The following EOGT variants were observed in gnomAD, a reference collection of about 807,000 sequenced individuals.
The protein encoded by EOGT is EGF domain specific O-linked N-acetylglucosamine transferase, also known as EGF domain-specific O-linked N-acetylglucosamine transferase.
EOGT carries 55 observed loss-of-function variants against 70.5 expected under a neutral mutation model. The observed-to-expected ratio is 0.78, with a 90% CI of 0.63 to 0.98. EOGT has a LOEUF of 0.98. Ranked by LOEUF, EOGT falls within the 50% of genes least tolerant of loss-of-function variation. The pLI is 0.00. For missense variants in EOGT, 703 were observed against 641.9 expected (o/e 1.10, Z -1.03); for synonymous variants, 246 against 217.1 (o/e 1.13, Z -1.17).
rs1358356895 is a variant in EOGT at position 68,975,917 on chromosome 3, A to G, written c.*1701T>C. 1 of 152,226 alleles carries G rather than the reference A, an allele frequency of 6.6e-6. No homozygotes were observed. The highest frequency in any genetic ancestry group is 2.4e-5 in the African/African-American group (1 of 41,468). The allele number at this position is 152,226 out of a possible 1,614,324, so 9.4% of individuals were successfully genotyped here. A position where few individuals can be genotyped will look rare whatever the true frequency, so the allele number is the denominator to read the frequency against. On this transcript the variant is annotated 3_prime_UTR_variant, in exon 18 of 18. Transcript: ENST00000383701. Reference sequence around the variant, plus strand: ...TTTTACAACTGTAAAATATTTTTAAAAAATTATTTAGCTATTCTGTAATTT... The same window carrying G: ...TTTTACAACTGTAAAATATTTTTAAGAAATTATTTAGCTATTCTGTAATTT...
At chr3:68,999,660 A>G (rs1048947086) in intron 9 of EOGT, among the ~76,000 whole-genome samples, 4 of 152,188 alleles carry the variant, frequency 2.6e-5, no homozygotes, top group Non-Finnish European at 4.4e-5. Context: ...GGCAAAGAAT[A>G]TATTTTCAAA....
intron 10 of EOGT, among the ~76,000 whole-genome samples, chr3:68,993,206 C>A (rs569512238): frequency 6.6e-6 from 1 of 152,316 alleles, no homozygotes; most frequent in South Asian, 2.1e-4. Context: ...ATTGCACAAT[C>A]AGGCTGCAAA....
intron 15 of EOGT, among the ~76,000 whole-genome samples, chr3:68,982,364 AC>A (rs144199117): frequency 0.052 from 7,855 of 152,058 alleles, 687 homozygotes; most frequent in African/African-American, 0.18. Flanking sequence ...TACAAAAAAT[AC>A]AAAAATTAGC....
intron 6 of EOGT, among the ~76,000 whole-genome samples, chr3:69,006,416 A>C (rs929052441): frequency 1.3e-5 from 2 of 152,192 alleles, no homozygotes; most frequent in Non-Finnish European, 2.9e-5. Context: ...GTAAATTAAA[A>C]AATTTTTTTA....
chr3:68,990,292 C>T (rs1400947517), intron 10 of EOGT, among the ~76,000 whole-genome samples: 1 of 151,474 alleles, frequency 6.6e-6, no homozygotes, highest in African/African-American at 2.4e-5. Context: ...CTGCCACTTC[C>T]ATCTGACAGC....
Position 68,988,349 on chromosome 3 carries a change from C to A in EOGT, c.1029G>T (p.Arg343Ser), listed in dbSNP as rs1212018396. ...TGTGTAGTACATGCTGGGCAAATGC[C>A]CTGAATAGTCCAGTATTTTGACAGC... Reference protein sequence around the residue: ...ISGCQNTGLFRAFAQHVLHRL... With the variant: ...ISGCQNTGLFSAFAQHVLHRL... Residue 343 changes from arginine (R) to serine (S), a missense_variant, in exon 13 of 18, where the codon AGG becomes AGT. Physicochemically the swap from Arg to Ser is moderately radical, Grantham distance 110. Coordinates refer to ENST00000383701, the MANE Select transcript of EOGT (RefSeq NM_001278689.2). The A allele has an allele frequency of 6.5e-7, 1 of 1,535,902 alleles. No individual in the cohort carries two copies. The highest frequency in any genetic ancestry group is 8.7e-7 in the Non-Finnish European group (1 of 1,146,798).
At chr3:68,985,087 G>T (rs1234817368) in intron 14 of EOGT, among the ~76,000 whole-genome samples, 2 of 152,060 alleles carry the variant, frequency 1.3e-5, no homozygotes, top group Admixed American at 6.6e-5. Context: ...AGGGTTGGGG[G>T]GCACAATGTA....
intron 4 of EOGT, 47 bp from the exon 5 acceptor site, chr3:69,008,575 G>A (rs1337531952): frequency 1.5e-6 from 2 of 1,375,278 alleles, no homozygotes; most frequent in South Asian, 2.3e-5. Context: ...GACATTTAGA[G>A]AAGACTCTTA....
At position 68,977,408 on chromosome 3, in the gene EOGT, A is replaced by C; in HGVS notation, c.*210T>G. On this transcript the variant is annotated 3_prime_UTR_variant, in exon 18 of 18. Transcript: ENST00000383701. ...TTGAACTATAAAAAGTTTTCAGTGC[A>C]AAATTATTGCTATTGATAAATAGCA... 1 of 500,926 alleles carries C rather than the reference A, an allele frequency of 2.0e-6. No homozygotes were observed. Among genetic ancestry groups the C allele is most frequent in the Non-Finnish European group, 3.4e-6 (1 of 292,730 alleles). 31.0% of individuals were successfully genotyped at this position (500,926 alleles called of 1,614,324 possible).
rs2091294599 is a variant in EOGT, at chr3:69,001,642, A to G, written c.693T>C (p.Ile231=). Residue 231 remains isoleucine, a synonymous_variant, in exon 9 of 18, where the codon ATT becomes ATC. Transcript: ENST00000383701. ...ATTTCATGAAATATGTTGGTTTTTC[A>G]ATGACAATGTCACATTTAGCATCTT... is the stretch of plus-strand genomic sequence containing the variant. ...PIEDAKCDIV[I]EKPTYFMKLD... is the part of the protein sequence containing the mutation. 1 of 1,610,818 alleles carries G rather than the reference A, an allele frequency of 6.2e-7. No individual in the cohort carries two copies. Among genetic ancestry groups the G allele is most frequent in the Non-Finnish European group, 8.5e-7 (1 of 1,178,822 alleles).
intron 3 of EOGT, 83 bp from the exon 4 acceptor site, chr3:69,009,943 A>C (rs1003068922): frequency 3.2e-5 from 23 of 710,140 alleles, no homozygotes; most frequent in Admixed American, 6.2e-5. Flanking sequence ...CAAAAAAAAA[A>C]AAAAAACAAA....
chr3:69,000,355 T>A lies in EOGT; in HGVS notation c.727+1253A>T, dbSNP rs1246433522. Among the ~76,000 whole-genome samples the A allele has an allele frequency of 2.6e-5, 4 of 152,358 alleles. No homozygotes were observed. The East Asian group carries it at 7.7e-4, about 29-fold the overall frequency. On this transcript the variant is annotated intron_variant, in intron 9 of 17. Transcript: ENST00000383701. ...CACTTTATATACTTTATTGTATAAG[T>A]ATCTGCATAAATTTAATAGCTCACA...
At position 68,978,384 on chromosome 3, in the gene EOGT, G is replaced by A. The variant is rs1575701273; in HGVS notation, c.1386C>T (p.Gly462=). Reference sequence around the variant, plus strand: ...GCCGTCGCCAAGTGATGTAGTGAACGCCTCTCAGCCTGGCCAAGTCTAAGT... The same window carrying A: ...GCCGTCGCCAAGTGATGTAGTGAACACCTCTCAGCCTGGCCAAGTCTAAGT... ...RCYLDLARLR[G]VHYITWRRQN... The change falls in exon 17 of 18, where the codon GGC becomes GGT. Residue 462 remains glycine, a synonymous_variant. Transcript: ENST00000383701. The A allele has an allele frequency of 3.1e-6, 5 of 1,612,644 alleles. No individual in the cohort carries two copies. Among genetic ancestry groups the A allele is most frequent in the Non-Finnish European group, 4.2e-6 (5 of 1,179,434 alleles).
At chr3:68,997,371 CTT>C (rs796115630) in intron 10 of EOGT, among the ~76,000 whole-genome samples, 16 of 141,406 alleles carry the variant, frequency 1.1e-4, no homozygotes, top group Admixed American at 1.4e-4. Flanking sequence ...GAATGACAGC[CTT>C]TTTTTTTTTT....
chr3:69,007,233 A>C (rs1016384167), intron 6 of EOGT, among the ~76,000 whole-genome samples: 39 of 152,226 alleles, frequency 2.6e-4, no homozygotes, highest in African/African-American at 9.4e-4. Context: ...CTATTTGGGG[A>C]AGTTACATAA....
intron 12 of EOGT, 60 bp from the exon 13 acceptor site, chr3:68,988,441 C>T: frequency 6.7e-7 from 1 of 1,487,040 alleles, no homozygotes; most frequent in Non-Finnish European, 9.1e-7. Flanking sequence ...ATTTAAGATA[C>T]TGTCAACTTA....
rs867947864 is a variant in EOGT at position 68,977,328 on chromosome 3, A to G, written c.*290T>C. The G allele has an allele frequency of 2.1e-5, 5 of 243,670 alleles. No homozygotes were observed. Among genetic ancestry groups the G allele is most frequent in the African/African-American group, 1.2e-4 (5 of 42,746 alleles). 15.1% of individuals were successfully genotyped at this position (243,670 alleles called of 1,614,324 possible). Reference sequence around the variant, plus strand: ...GTGACAGTGAGACTCTGTCTCCAAAAAAAAAAAAAGAAAGAAAGAAAGTTA... The same window carrying G: ...GTGACAGTGAGACTCTGTCTCCAAAGAAAAAAAAAGAAAGAAAGAAAGTTA... On this transcript the variant is annotated 3_prime_UTR_variant, in exon 18 of 18. Coordinates refer to ENST00000383701, the MANE Select transcript of EOGT (RefSeq NM_001278689.2).
chr3:69,005,578 CTA>C (rs1395192050), intron 6 of EOGT, among the ~76,000 whole-genome samples: 1 of 152,064 alleles, frequency 6.6e-6, no homozygotes, highest in Non-Finnish European at 1.5e-5. Context: ...ACCCCCACAG[CTA>C]TATGAAAAAG....
chr3:69,001,405 A>T (rs1169359856), intron 9 of EOGT, among the ~76,000 whole-genome samples: 1 of 152,206 alleles, frequency 6.6e-6, no homozygotes, highest in African/African-American at 2.4e-5. Context: ...TATAAATGTG[A>T]AAGTTTCTTC....
Sources: allele counts gnomAD v4.1 joint callset (sites outside exome capture counted in the v4.1 genomes callset), GRCh38; gene constraint gnomAD v4.1.1; transcripts MANE v1.5; gene names NCBI Gene and HGNC (gene_info 2026-07-23, HGNC 2026-07-21).